USP30: variants seen among roughly 807,000 people sequenced by gnomAD.
USP30 encodes the protein ubiquitin specific peptidase 30.
In USP30, 41 loss-of-function variants were observed where a neutral mutation model predicts 68.2. That is an observed-to-expected ratio of 0.60 (90% CI 0.47 to 0.78). USP30 has a LOEUF of 0.78. Ranked by LOEUF, USP30 falls within the 30% of genes least tolerant of loss-of-function variation. The probability of loss-of-function intolerance (pLI) is 0.00; values close to 1 mark genes in which losing one functional copy is unlikely to be tolerated. For missense variants in USP30, 522 were observed against 649.4 expected, an observed-to-expected ratio of 0.80 and a Z score of 2.13; for synonymous variants, 229 against 253.7, an observed-to-expected ratio of 0.90 and a Z score of 0.93.
chr12:109,086,199 A>G lies in USP30; in HGVS notation c.*268A>G, dbSNP rs960843441. 4 of 370,776 alleles carry G rather than the reference A, an allele frequency of 1.1e-5. No individual in the cohort carries two copies. The South Asian group carries it at 2.8e-4, about 26-fold the overall frequency. The allele number at this position is 370,776 out of a possible 1,614,324, so 23.0% of individuals were successfully genotyped here. On this transcript the variant is annotated 3_prime_UTR_variant, in exon 13 of 13. Transcript: ENST00000257548. Reference sequence around the variant, plus strand: ...GTCTTTTTACTCATCTGATACAGGTAATTAAAAGAACTCAGATTCTTGAAG... The same window carrying G: ...GTCTTTTTACTCATCTGATACAGGTGATTAAAAGAACTCAGATTCTTGAAG...
chr12:109,055,850 G>T (rs12316216), intron 1 of USP30, among the ~76,000 whole-genome samples: 1 of 150,414 alleles, frequency 6.6e-6, no homozygotes, highest in African/African-American at 2.4e-5. Context: ...AAAACATAGC[G>T]AATAGGTTAA....
At chr12:109,032,965 C>T (rs2040493111) in intron 3 of USP30, among the ~76,000 whole-genome samples, 1 of 152,102 alleles carries the variant, frequency 6.6e-6, no homozygotes. Flanking sequence ...GACAAGCTGC[C>T]CCTTAGCCTG....
In USP30 at chr12:109,081,962, T is replaced by G. The variant is rs2041816307; in HGVS notation, c.810T>G (p.Leu270=). ...ACCCATTGACCCTGGACCACTGCCT[T>G]CACCACTTCATCTCATCAGAATCAG... ...WGHPLTLDHC[L]HHFISSESVR... is the part of the protein sequence containing the mutation. The change falls in exon 9 of 13, where the codon CTT becomes CTG. Residue 270 remains leucine, a synonymous_variant. Coordinates refer to ENST00000257548, the MANE Select transcript of USP30 (RefSeq NM_032663.5). 2 of 1,614,234 alleles carry G rather than the reference T, an allele frequency of 1.2e-6. No homozygotes were observed. Among genetic ancestry groups the G allele is most frequent in the Non-Finnish European group, 1.7e-6 (2 of 1,180,038 alleles).
At chr12:109,043,431 T>G (rs1171994634) in intron 3 of USP30, among the ~76,000 whole-genome samples, 1 of 152,202 alleles carries the variant, frequency 6.6e-6, no homozygotes, top group African/African-American at 2.4e-5. Flanking sequence ...CTCTCTGGTA[T>G]ATGGTCAAAA....
chr12:109,036,495 A>G (rs1454044496), intron 3 of USP30, among the ~76,000 whole-genome samples: 1 of 151,806 alleles, frequency 6.6e-6, no homozygotes, highest in Admixed American at 6.6e-5. Flanking sequence ...ATGGGGTTTC[A>G]CCATGTTGGC....
At chr12:109,051,099 C>T (rs1298344999), upstream of USP30, among the ~76,000 whole-genome samples, 2 of 152,032 alleles carry the variant, frequency 1.3e-5, no homozygotes, top group Admixed American at 6.6e-5. Flanking sequence ...CTATGTTGCC[C>T]AGGTGGCCTT....
chr12:109,029,605 C>T (rs1366608518), intron 3 of USP30, among the ~76,000 whole-genome samples: 1 of 152,186 alleles, frequency 6.6e-6, no homozygotes, highest in Admixed American at 6.5e-5. Context: ...AAGAGACTTT[C>T]CACCCTCCCT....
chr12:109,026,628 C>T (rs182831950), intron 2 of USP30, among the ~76,000 whole-genome samples: 4 of 150,802 alleles, frequency 2.7e-5, no homozygotes, highest in African/African-American at 9.7e-5. Flanking sequence ...CCACCATGCC[C>T]ACCTAATTTT....
chr12:109,064,389 C>T (rs576588474), intron 3 of USP30, among the ~76,000 whole-genome samples: 1 of 152,232 alleles, frequency 6.6e-6, no homozygotes, highest in East Asian at 1.9e-4. Context: ...CACAGCTTCC[C>T]AAGTATTTAG....
intron 3 of USP30, among the ~76,000 whole-genome samples, chr12:109,065,135 G>A (rs2041207233): frequency 6.6e-6 from 1 of 152,216 alleles, no homozygotes; most frequent in Admixed American, 6.5e-5. Flanking sequence ...CCCATTGACG[G>A]CAAGTCAGAA....
intron 1 of USP30, among the ~76,000 whole-genome samples, chr12:109,055,393 TATA>T (rs1566084874): frequency 3.2e-5 from 2 of 62,178 alleles, no homozygotes; most frequent in Non-Finnish European, 3.0e-5. Context: ...TATATATATA[TATA>T]TATATTTTTT....
chr12:109,051,245 CTTGCTTTTTTTTTT>C (rs2040665786), upstream of USP30, among the ~76,000 whole-genome samples: 1 of 118,428 alleles, frequency 8.4e-6, no homozygotes, highest in Admixed American at 1.0e-4. Flanking sequence ...AATTTTACCT[CTTGCTTTTTTTTTT>C]TTTTTTTTTT....
chr12:109,051,574 T>C (rs1353403378), upstream of USP30, among the ~76,000 whole-genome samples: 4 of 123,634 alleles, frequency 3.2e-5, no homozygotes, highest in African/African-American at 1.2e-4. Flanking sequence ...CCTGACCTCT[T>C]TTTTTTTTTT....
Position 109,083,036 on chromosome 12 carries a change from A to G in USP30, c.1142A>G (p.Gln381Arg). 1 of 1,612,420 alleles carries G rather than the reference A, an allele frequency of 6.2e-7. No homozygotes were observed. The highest frequency in any genetic ancestry group is 8.5e-7 in the Non-Finnish European group (1 of 1,179,012). The change falls in exon 11 of 13, where the codon CAG becomes CGG. Residue 381 changes from glutamine (Q) to arginine (R), a missense_variant. Coordinates refer to ENST00000257548, the MANE Select transcript of USP30 (RefSeq NM_032663.5). ...NKNPGPTLEL[Q>R]DGPGAPTPVL... is the part of the protein sequence containing the mutation. ...AACCCAGGGCCTACACTGGAGCTGC[A>G]GGATGGGCCGGGAGCCCCCACACCA...
At chr12:109,049,527 C>G (rs1237057605), upstream of USP30, among the ~76,000 whole-genome samples, 1 of 152,154 alleles carries the variant, frequency 6.6e-6, no homozygotes, top group Non-Finnish European at 1.5e-5. Flanking sequence ...TAATGAAAAA[C>G]TTTGGGACCA....
chr12:109,082,117 G>C (rs778350739), intron 9 of USP30, 98 bp downstream of exon 9: 1 of 1,317,308 alleles, frequency 7.6e-7, no homozygotes, highest in Non-Finnish European at 1.1e-6. Flanking sequence ...ACTGTATCCA[G>C]TGGGTCTTTT....
At chr12:109,082,595 T>C (rs1043942913) in intron 9 of USP30, 68 bp from the exon 10 acceptor site, 1 of 1,489,788 alleles carries the variant, frequency 6.7e-7, no homozygotes, top group Admixed American at 1.8e-5. Context: ...AACACCACTG[T>C]GGTCTGCAGC....
At chr12:109,058,572 C>CA (rs111944941) in intron 3 of USP30, among the ~76,000 whole-genome samples, 112,218 of 139,244 alleles carry the variant, frequency 0.81, 44,607 homozygotes, top group East Asian at 0.99. Context: ...AACTCCGTCT[C>CA]AAAAAAAAAA....
At chr12:109,077,825 T>TGG (rs374830297) in intron 7 of USP30, among the ~76,000 whole-genome samples, 23 of 151,114 alleles carry the variant, frequency 1.5e-4, no homozygotes, top group African/African-American at 5.3e-4. Context: ...GTGTTTGTGT[T>TGG]GGGGGGGGAG....
Sources: gnomAD v4.1 joint callset for allele counts (sites outside exome capture counted in the v4.1 genomes callset) on GRCh38, gnomAD v4.1.1 for gene constraint, MANE v1.5 for transcripts, NCBI Gene and HGNC (gene_info 2026-07-23, HGNC 2026-07-21) for gene names.